The following BMP5 variants were observed in gnomAD, a reference collection of about 807,000 sequenced individuals.
BMP5 encodes bone morphogenetic protein 5.
BMP5 carries 23 observed loss-of-function variants against 46.6 expected under a neutral mutation model. The observed-to-expected ratio is 0.49, with a 90% CI of 0.35 to 0.70. BMP5 has a LOEUF of 0.70. Ranked by LOEUF, BMP5 falls within the 30% of genes least tolerant of loss-of-function variation. The pLI is 0.00. For synonymous variants in BMP5, 204 were observed against 191.9 expected, an observed-to-expected ratio of 1.06 and a Z score of -0.52; for missense variants, 545 against 565.6, an observed-to-expected ratio of 0.96 and a Z score of 0.37.
intron 2 of BMP5, among the ~76,000 whole-genome samples, chr6:55,817,369 G>GT (rs1310714605): frequency 1.1e-3 from 168 of 152,142 alleles, no homozygotes; most frequent in African/African-American, 4.0e-3. Flanking sequence ...ATCAATGATA[G>GT]ACTGGATTAA....
At chr6:55,857,817 C>A (rs578246274) in intron 1 of BMP5, among the ~76,000 whole-genome samples, 15 of 151,872 alleles carry the variant, frequency 9.9e-5, no homozygotes, top group African/African-American at 3.4e-4. Flanking sequence ...CGGCTCACTG[C>A]AACCTCCACC....
chr6:55,771,249 C>G (rs568556329), intron 4 of BMP5, among the ~76,000 whole-genome samples: 3 of 151,862 alleles, frequency 2.0e-5, no homozygotes, highest in African/African-American at 7.2e-5. Flanking sequence ...AAAATCTTAT[C>G]CACCTAGTGC....
At chr6:55,793,774 TCTC>T (rs1775631326) in intron 3 of BMP5, among the ~76,000 whole-genome samples, 1 of 152,136 alleles carries the variant, frequency 6.6e-6, no homozygotes, top group African/African-American at 2.4e-5. Context: ...TCCATCCCCA[TCTC>T]CTCTCTCCCA....
chr6:55,825,929 G>C (rs1776521549), intron 1 of BMP5, among the ~76,000 whole-genome samples: 1 of 151,748 alleles, frequency 6.6e-6, no homozygotes, highest in African/African-American at 2.4e-5. Flanking sequence ...TTGCTGCTGA[G>C]TGCAAAAAAT....
At chr6:55,815,705 T>C (rs905605639) in intron 2 of BMP5, among the ~76,000 whole-genome samples, 4 of 152,162 alleles carry the variant, frequency 2.6e-5, no homozygotes, top group Non-Finnish European at 4.4e-5. Context: ...ATTTCATTTT[T>C]GTAAGGATAA....
chr6:55,804,251 A>G (rs1323902663), intron 2 of BMP5, among the ~76,000 whole-genome samples: 1 of 152,220 alleles, frequency 6.6e-6, no homozygotes, highest in Non-Finnish European at 1.5e-5. Flanking sequence ...CCTTATAAGA[A>G]GAAGAGGAGA....
At chr6:55,772,946 A>G (rs995377027) in intron 4 of BMP5, 20 of 983,786 alleles carry the variant, frequency 2.0e-5, no homozygotes, top group Non-Finnish European at 2.2e-5. Flanking sequence ...AAAGGTCGTC[A>G]TCTATTTCTT....
intron 1 of BMP5, among the ~76,000 whole-genome samples, chr6:55,822,123 C>A (rs1426909383): frequency 6.6e-6 from 1 of 152,074 alleles, no homozygotes; most frequent in African/African-American, 2.4e-5. Flanking sequence ...GGAATAAATA[C>A]CTTACCAAAA....
chr6:55,819,544 C>A (rs912499967), intron 2 of BMP5, 111 bp downstream of exon 2: 1 of 886,680 alleles, frequency 1.1e-6, no homozygotes, highest in Non-Finnish European at 1.8e-6. Flanking sequence ...AATGTTACTA[C>A]ATTGCCCCCA....
intron 1 of BMP5, among the ~76,000 whole-genome samples, chr6:55,844,795 T>C (rs577821573): frequency 1.2e-4 from 18 of 151,894 alleles, no homozygotes; most frequent in Non-Finnish European, 2.7e-4. Flanking sequence ...ATCAATGAAA[T>C]ATACAAGAAA....
intron 3 of BMP5, among the ~76,000 whole-genome samples, chr6:55,783,732 G>T (rs1775380856): frequency 6.6e-6 from 1 of 151,822 alleles, no homozygotes; most frequent in African/African-American, 2.4e-5. Context: ...AGTTTAGCTA[G>T]AGTCTAGAAG....
intron 1 of BMP5, among the ~76,000 whole-genome samples, chr6:55,871,859 T>C (rs1777794741): frequency 6.6e-6 from 1 of 151,812 alleles, no homozygotes; most frequent in Admixed American, 6.6e-5. Context: ...ACTTCCTCAA[T>C]ACAAATCCCT....
chr6:55,845,133 T>C (rs1222689265), intron 1 of BMP5, among the ~76,000 whole-genome samples: 1 of 152,042 alleles, frequency 6.6e-6, no homozygotes, highest in Admixed American at 6.6e-5. Flanking sequence ...ATGGCTAATA[T>C]CTTTACATGG....
chr6:55,827,330 A>C (rs1439301502), intron 1 of BMP5, among the ~76,000 whole-genome samples: 1 of 151,720 alleles, frequency 6.6e-6, no homozygotes, highest in Non-Finnish European at 1.5e-5. Flanking sequence ...ATCTTAATAT[A>C]ATTTTCTAGA....
chr6:55,756,569 T>G (rs951926319), intron 6 of BMP5, among the ~76,000 whole-genome samples: 12 of 151,898 alleles, frequency 7.9e-5, no homozygotes, highest in African/African-American at 2.9e-4. Context: ...CAGAGGAGTT[T>G]ATGGGAAATC....
At chr6:55,850,487 C>T (rs1414529334) in intron 1 of BMP5, among the ~76,000 whole-genome samples, 2 of 151,950 alleles carry the variant, frequency 1.3e-5, no homozygotes, top group Non-Finnish European at 2.9e-5. Flanking sequence ...ATGCTGGGCC[C>T]CAGTGATATA....
chr6:55,769,151 T>C (rs1052618569), intron 4 of BMP5, among the ~76,000 whole-genome samples: 72 of 151,910 alleles, frequency 4.7e-4, no homozygotes, highest in African/African-American at 1.5e-3. Flanking sequence ...AAGACAACGA[T>C]AAAATTTGTC....
In BMP5 at chr6:55,794,437, A is replaced by G. The variant is rs780466973; in HGVS notation, c.684-10T>C. On this transcript the variant is annotated splice_polypyrimidine_tract_variant and intron_variant, in intron 2 of 6. Coordinates refer to ENST00000370830, the MANE Select transcript of BMP5 (RefSeq NM_021073.4). The stretch of plus-strand genomic sequence containing the variant: ...GAACAGATCTGCATCCCTAAAAAGA[A>G]AAGGAACAACAAAAAAAGTTAAAGG... 6 of 1,613,738 alleles carry G rather than the reference A, an allele frequency of 3.7e-6. No individual in the cohort carries two copies. In the South Asian group the frequency reaches 5.5e-5, roughly 15 times the overall value.
chr6:55,797,043 T>A (rs1279964396), intron 2 of BMP5, among the ~76,000 whole-genome samples: 1 of 152,208 alleles, frequency 6.6e-6, no homozygotes, highest in East Asian at 1.9e-4. Context: ...TCCTTTCATA[T>A]ACGAAGCTCT....
Sources: gnomAD v4.1 joint callset for allele counts (sites outside exome capture counted in the v4.1 genomes callset) on GRCh38, gnomAD v4.1.1 for gene constraint, MANE v1.5 for transcripts, NCBI Gene and HGNC (gene_info 2026-07-23, HGNC 2026-07-21) for gene names.